The following IFT43 variants were observed in gnomAD, a reference collection of about 807,000 sequenced individuals.
IFT43 encodes the protein intraflagellar transport protein 43 homolog.
IFT43 carries 33 observed loss-of-function variants against 32.3 expected under a neutral mutation model. The ratio of observed to expected loss-of-function variants is 1.02; its 90% CI spans 0.77 to 1.37. IFT43 has a LOEUF of 1.37. Among genes scored for constraint, IFT43 ranks in the 40% most tolerant of loss-of-function variants. The probability of loss-of-function intolerance (pLI) is 0.00; values close to 1 mark genes in which losing one functional copy is unlikely to be tolerated. For synonymous variants in IFT43, 93 were observed against 98.2 expected (o/e 0.95, Z 0.31); for missense variants, 274 against 265.9 (o/e 1.03, Z -0.21).
chr14:76,052,749 T>G (rs773195572), intron 3 of IFT43, among the ~76,000 whole-genome samples: 3 of 152,188 alleles, frequency 2.0e-5, no homozygotes, highest in Non-Finnish European at 4.4e-5. Flanking sequence ...GTGACTTAGC[T>G]AGATGGGTCT....
At chr14:76,020,745 G>A (rs1483580248) in intron 2 of IFT43, among the ~76,000 whole-genome samples, 1 of 152,206 alleles carries the variant, frequency 6.6e-6, no homozygotes, top group Admixed American at 6.5e-5. Flanking sequence ...GGCACCAGTG[G>A]TAGTGGTGGC....
intron 1 of IFT43, 179 bp downstream of exon 1, chr14:75,986,019 C>G: frequency 2.0e-6 from 3 of 1,525,250 alleles, no homozygotes; most frequent in Admixed American, 2.0e-5. Context: ...TCCGCCGCTG[C>G]TGGCCTGGGG....
In IFT43 at chr14:75,988,946, G is replaced by A; in HGVS notation, c.116G>A (p.Gly39Asp). ...ESAQAENHLN[G>D]KNSSLTLTGE... The stretch of plus-strand genomic sequence containing the variant: ...GCGCAGGCCGAGAATCACCTCAATG[G>A]CAAGAATTCCTCTTTGACTCTGACT... The change falls in exon 2 of 9, where the codon GGC (glycine) becomes GAC (aspartate). Residue 39 changes from glycine to aspartate, a missense_variant. Gly to Asp is a moderately conservative substitution (Grantham distance 94, BLOSUM62 -1). Coordinates refer to ENST00000314067, the MANE Select transcript of IFT43 (RefSeq NM_001102564.3). 6.2e-7 allele frequency: 1 copy of A among 1,613,942 alleles called. No homozygotes were observed. The highest frequency in any genetic ancestry group is 1.3e-5 in the African/African-American group (1 of 75,008).
chr14:76,083,643 A>G lies in IFT43; in HGVS notation c.*66A>G, dbSNP rs1206072297. On this transcript the variant is annotated 3_prime_UTR_variant, in exon 9 of 9. Transcript: ENST00000314067. Reference sequence around the variant, plus strand: ...CTTAAAGCTAAAGAAGCTTGTAAGCAGCTCCGAATTTTTACCTGGAATATT... The same window carrying G: ...CTTAAAGCTAAAGAAGCTTGTAAGCGGCTCCGAATTTTTACCTGGAATATT... 6.6e-7 allele frequency: 1 copy of G among 1,512,940 alleles called. No homozygotes were observed. Among genetic ancestry groups the G allele is most frequent in the Non-Finnish European group, 9.1e-7 (1 of 1,095,306 alleles). 93.7% of individuals were successfully genotyped at this position (1,512,940 alleles called of 1,614,324 possible). A position where few individuals can be genotyped will look rare whatever the true frequency, so the allele number is the denominator to read the frequency against.
Position 76,077,156 on chromosome 14 carries a change from T to C in IFT43, c.296-5139T>C, listed in dbSNP as rs575534381. On this transcript the variant is annotated intron_variant, in intron 5 of 8. Coordinates refer to ENST00000314067, the MANE Select transcript of IFT43 (RefSeq NM_001102564.3). ...CCAGATGGGCCATACTGGACCAAGT[T>C]TGAATGACTCTTCCTCTGAAACTTT... 3.3e-5 allele frequency among the ~76,000 whole-genome samples: 5 copies of C among 152,230 alleles called. No homozygotes were observed. The East Asian group carries it at 5.8e-4, about 18-fold the overall frequency.
At chr14:75,987,161 G>A (rs2035545098) in intron 1 of IFT43, among the ~76,000 whole-genome samples, 1 of 152,170 alleles carries the variant, frequency 6.6e-6, no homozygotes, top group Non-Finnish European at 1.5e-5. Context: ...AGCATTTAGC[G>A]ACAAGATCAT....
At chr14:76,007,049 G>A (rs543913700) in intron 2 of IFT43, among the ~76,000 whole-genome samples, 1 of 152,088 alleles carries the variant, frequency 6.6e-6, no homozygotes, top group Non-Finnish European at 1.5e-5. Flanking sequence ...TGTAGAGATG[G>A]GGTCTCACTT....
At chr14:76,002,513 T>C (rs920935548) in intron 2 of IFT43, among the ~76,000 whole-genome samples, 4 of 151,322 alleles carry the variant, frequency 2.6e-5, no homozygotes, top group African/African-American at 7.3e-5. Context: ...ATGACTGGAG[T>C]TTCAAAAAGT....
intron 2 of IFT43, among the ~76,000 whole-genome samples, chr14:76,020,634 G>C (rs992505670): frequency 2.9e-4 from 44 of 152,204 alleles, no homozygotes; most frequent in African/African-American, 1.1e-3. Flanking sequence ...ATCAGCATCA[G>C]TGGGTATCTA....
intron 3 of IFT43, among the ~76,000 whole-genome samples, chr14:76,057,484 G>A (rs191939082): frequency 3.3e-5 from 5 of 152,016 alleles, no homozygotes; most frequent in Admixed American, 1.3e-4. Context: ...ACCTGCCTTG[G>A]CCTCCCAAAG....
At chr14:76,075,355 C>G (rs1170431269) in intron 5 of IFT43, among the ~76,000 whole-genome samples, 1 of 152,182 alleles carries the variant, frequency 6.6e-6, no homozygotes, top group African/African-American at 2.4e-5. Context: ...GTTTGTGCCC[C>G]TTTTCCCCTG....
chr14:76,042,185 C>G (rs2036720655), intron 3 of IFT43, among the ~76,000 whole-genome samples: 1 of 151,632 alleles, frequency 6.6e-6, no homozygotes, highest in African/African-American at 2.4e-5. Flanking sequence ...ACACAGTTAT[C>G]TTTTTCCTCA....
chr14:76,009,647 A>G (rs1334558708), intron 2 of IFT43, among the ~76,000 whole-genome samples: 3 of 152,154 alleles, frequency 2.0e-5, no homozygotes, highest in Admixed American at 6.5e-5. Context: ...CCTGAATTCA[A>G]TTTGCCACAA....
In IFT43 at chr14:75,988,995, A is replaced by G; in HGVS notation, c.147+18A>G. ...CTGGAGAGGTGGGTGCTAAAAAAAA[A>G]GAAAATCTGAAGAAATACTGTTTAA... On this transcript the variant is annotated intron_variant, in intron 2 of 8. Transcript: ENST00000314067. The G allele has an allele frequency of 6.2e-7, 1 of 1,613,020 alleles. No homozygotes were observed. The highest frequency in any genetic ancestry group is 8.5e-7 in the Non-Finnish European group (1 of 1,179,440).
intron 2 of IFT43, among the ~76,000 whole-genome samples, chr14:76,012,808 AAGTC>A (rs534068314): frequency 1.6e-4 from 24 of 152,216 alleles, no homozygotes; most frequent in Non-Finnish European, 2.9e-4. Context: ...ACCTGGCAGT[AAGTC>A]AGCCAAAATT....
chr14:76,042,215 G>C (rs2036721028), intron 3 of IFT43, among the ~76,000 whole-genome samples: 1 of 151,632 alleles, frequency 6.6e-6, no homozygotes, highest in African/African-American at 2.4e-5. Flanking sequence ...TATGAAGTAG[G>C]TGCTGTTATT....
intron 6 of IFT43, 92 bp from the exon 7 acceptor site, chr14:76,082,525 C>A: frequency 6.9e-7 from 1 of 1,452,240 alleles, no homozygotes; most frequent in Non-Finnish European, 9.7e-7. Flanking sequence ...TCATCCCCTG[C>A]TGTATACAAG....
At chr14:76,019,727 T>G (rs2036255626) in intron 2 of IFT43, among the ~76,000 whole-genome samples, 1 of 152,132 alleles carries the variant, frequency 6.6e-6, no homozygotes, top group African/African-American at 2.4e-5. Context: ...TTTATGGTGT[T>G]GCATATGTCA....
intron 3 of IFT43, among the ~76,000 whole-genome samples, chr14:76,034,643 T>G (rs888998676): frequency 1.7e-4 from 26 of 152,236 alleles, no homozygotes; most frequent in African/African-American, 6.3e-4. Context: ...AATATGAGTT[T>G]CTGGGATACC....
Sources: allele counts gnomAD v4.1 joint callset (sites outside exome capture counted in the v4.1 genomes callset), GRCh38; gene constraint gnomAD v4.1.1; transcripts MANE v1.5; gene names NCBI Gene and HGNC (gene_info 2026-07-23, HGNC 2026-07-21).